MTG2: variants seen among roughly 807,000 people sequenced by gnomAD.
MTG2 encodes the protein mitochondrial ribosome-associated GTPase 2.
Under a neutral mutation model 28.6 loss-of-function variants are expected in MTG2, and 23 were observed. That is an observed-to-expected ratio of 0.80 (90% CI 0.58 to 1.14). MTG2 has a LOEUF of 1.14. Among genes scored for constraint, MTG2 ranks in the 50% most tolerant of loss-of-function variants. The probability of loss-of-function intolerance (pLI) is 0.00; values close to 1 mark genes in which losing one functional copy is unlikely to be tolerated. For missense variants in MTG2, 539 were observed against 552.0 expected (o/e 0.98, Z 0.24); for synonymous variants, 260 against 251.8 (o/e 1.03, Z -0.31).
chr20:62,199,007 C>A, intron 5 of MTG2, 112 bp from the exon 6 acceptor site: 1 of 1,562,812 alleles, frequency 6.4e-7, no homozygotes. Flanking sequence ...AGCATGAGCC[C>A]TTGTGACTCC....
In MTG2 at chr20:62,193,569, A is replaced by G. The variant is rs372648406; in HGVS notation, c.149A>G (p.Asp50Gly). 1 of 1,613,326 alleles carries G rather than the reference A, an allele frequency of 6.2e-7. No homozygotes were observed. Among genetic ancestry groups the G allele is most frequent in the South Asian group, 1.1e-5 (1 of 91,002 alleles). Residue 50 changes from aspartate (D) to glycine (G), a missense_variant, in exon 2 of 7, where the codon GAC becomes GGC. Coordinates refer to ENST00000370823, the MANE Select transcript of MTG2 (RefSeq NM_015666.4). ...SPRLLSVGRA[D>G]LAKHQELPGK... ...AGGCTGCTCTCGGTCGGCCGTGCGG[A>G]CCTCGCCAAGCATCAGGAACTCCCG...
chr20:62,198,672 T>C lies in MTG2; in HGVS notation c.507T>C (p.Val169=), dbSNP rs1184565072. Residue 169 remains valine (V), a synonymous_variant, in exon 5 of 7, where the codon GTT becomes GTC. Coordinates refer to ENST00000370823, the MANE Select transcript of MTG2 (RefSeq NM_015666.4). ...VGTLVKEGGR[V]VADLSCVGDE... ...CGCTGGTGAAGGAGGGAGGCAGAGT[T>C]GTGGCCGACCTGTCTTGCGTGGGAG... The C allele has an allele frequency of 1.9e-6, 3 of 1,614,100 alleles. No homozygotes were observed. Among genetic ancestry groups the C allele is most frequent in the East Asian group, 2.2e-5 (1 of 44,880 alleles).
At chr20:62,199,956 T>G (rs1432643745) in intron 6 of MTG2, 1 of 152,092 alleles carries the variant, frequency 6.6e-6, no homozygotes, top group Non-Finnish European at 1.5e-5. Flanking sequence ...CGCCCCACCT[T>G]GGTCTCCCAA....
chr20:62,184,242 C>T (rs1568779164), intron 1 of MTG2, among the ~76,000 whole-genome samples: 1 of 152,126 alleles, frequency 6.6e-6, no homozygotes, highest in Non-Finnish European at 1.5e-5. Context: ...CCTGTAATCC[C>T]AGCTACTGGG....
chr20:62,188,359 C>A lies in MTG2; in HGVS notation c.-5-5057C>A, dbSNP rs144899400. ...TTCATATACTTCCCCCCAGCCCCACCACAGAAGCTCTGTCACACAGGCTGG... is the reference window on the plus strand; with the variant it reads ...TTCATATACTTCCCCCCAGCCCCACAACAGAAGCTCTGTCACACAGGCTGG... On this transcript the variant is annotated intron_variant, in intron 1 of 6. Coordinates refer to ENST00000370823, the MANE Select transcript of MTG2 (RefSeq NM_015666.4). Among the ~76,000 whole-genome samples, 632 of 152,082 alleles carry A rather than the reference C, an allele frequency of 4.2e-3. 4 individuals carry two copies. Among genetic ancestry groups the A allele is most frequent in the Admixed American group, 7.7e-3 (117 of 15,254 alleles).
rs1428180945 is a variant in MTG2, at chr20:62,199,111, T to C, written c.688-8T>C. ...GGGCCGTGCCACCGTCTTCCCTCTT[T>C]CCCCCAGGTGGGATTCCCCAACGCC... is the stretch of plus-strand genomic sequence containing the variant. On this transcript the variant is annotated splice_region_variant and splice_polypyrimidine_tract_variant and intron_variant, in intron 5 of 6. Coordinates refer to ENST00000370823, the MANE Select transcript of MTG2 (RefSeq NM_015666.4). 1 of 1,613,464 alleles carries C rather than the reference T, an allele frequency of 6.2e-7. No homozygotes were observed. Among genetic ancestry groups the C allele is most frequent in the African/African-American group, 1.3e-5 (1 of 74,880 alleles).
At position 62,198,743 on chromosome 20, in the gene MTG2, G is replaced by A. The variant is rs781127049; in HGVS notation, c.578G>A (p.Arg193His). The A allele has an allele frequency of 3.2e-5, 51 of 1,614,130 alleles. No homozygotes were observed. The highest frequency in any genetic ancestry group is 2.4e-4 in the South Asian group (22 of 91,090). Residue 193 changes from arginine (R) to histidine (H), a missense_variant, in exon 5 of 7, where the codon CGC (arginine) becomes CAC (histidine). Arg to His is a conservative substitution (Grantham distance 29). Transcript: ENST00000370823. ...ALGGAGGKGNRFFLANNNRAP... is the reference protein window; with the variant it reads ...ALGGAGGKGNHFFLANNNRAP... ...GGCGGGGCAGGAGGGAAAGGCAACCGCTTCTTCCTGGCCAACAACAACCGT... is the reference window on the plus strand; with the variant it reads ...GGCGGGGCAGGAGGGAAAGGCAACCACTTCTTCCTGGCCAACAACAACCGT...
chr20:62,189,602 G>A (rs1369479144), intron 1 of MTG2, among the ~76,000 whole-genome samples: 2 of 151,726 alleles, frequency 1.3e-5, no homozygotes, highest in Non-Finnish European at 2.9e-5. Context: ...GCTGTGCCCA[G>A]CTAGCTCTTT....
At chr20:62,199,645 CA>C (rs201555286) in intron 6 of MTG2, among the ~76,000 whole-genome samples, 6,183 of 70,786 alleles carry the variant, frequency 0.087, 209 homozygotes, top group African/African-American at 0.18. Context: ...AACTCCATCT[CA>C]AAAAAAAAAA....
intron 1 of MTG2, among the ~76,000 whole-genome samples, chr20:62,192,304 G>A (rs1332980940): frequency 6.6e-6 from 1 of 152,196 alleles, no homozygotes; most frequent in Non-Finnish European, 1.5e-5. Flanking sequence ...CACTTGGTTT[G>A]CATTGCCAGT....
intron 1 of MTG2, among the ~76,000 whole-genome samples, chr20:62,189,747 C>T (rs1279364578): frequency 6.8e-6 from 1 of 146,538 alleles, no homozygotes; most frequent in Non-Finnish European, 1.5e-5. Flanking sequence ...CTCACTGCAA[C>T]CTCCGCCTCC....
At position 62,188,024 on chromosome 20, in the gene MTG2, G is replaced by A. The variant is rs191646749; in HGVS notation, c.-6+4967G>A. Among the ~76,000 whole-genome samples the A allele has an allele frequency of 3.9e-3, 596 of 151,676 alleles. 4 individuals carry two copies. The highest frequency in any genetic ancestry group is 0.014 in the African/African-American group (569 of 41,326). On this transcript the variant is annotated intron_variant, in intron 1 of 6. Coordinates refer to ENST00000370823, the MANE Select transcript of MTG2 (RefSeq NM_015666.4). ...CGGGCGCCTGTAGTCCCAGCTACTC[G>A]GGAGGCTGAGGCAGGAGAATGGCGT...
chr20:62,192,235 T>C (rs1384601575), intron 1 of MTG2, among the ~76,000 whole-genome samples: 3 of 152,060 alleles, frequency 2.0e-5, no homozygotes, highest in African/African-American at 4.8e-5. Flanking sequence ...ACATTGGGAG[T>C]TCCTACGACC....
Position 62,195,927 on chromosome 20 carries a change from C to T in MTG2, c.330C>T (p.Asn110=), listed in dbSNP as rs763015110. Residue 110 remains asparagine (N), a synonymous_variant, in exon 3 of 7, where the codon AAC becomes AAT. Coordinates refer to ENST00000370823, the MANE Select transcript of MTG2 (RefSeq NM_015666.4). The part of the protein sequence containing the change: ...FGGPDGGDGG[N]GGHVILRVDQ... ...GCCCTGATGGAGGGGACGGAGGCAA[C>T]GGTGGACACGTCATTCTGAGAGGCA... The T allele has an allele frequency of 4.6e-5, 75 of 1,613,958 alleles. No homozygotes were observed. The highest frequency in any genetic ancestry group is 6.7e-5 in the African/African-American group (5 of 74,918).
chr20:62,198,688 T>C lies in MTG2; in HGVS notation c.523T>C (p.Cys175Arg), dbSNP rs535011738. ...EGGRVVADLSCVGDEYIAALG... is the reference protein window; with the variant it reads ...EGGRVVADLSRVGDEYIAALG... ...AGGCAGAGTTGTGGCCGACCTGTCT[T>C]GCGTGGGAGATGAGTACATTGCCGC... is the stretch of plus-strand genomic sequence containing the variant. The change falls in exon 5 of 7, where the codon TGC becomes CGC. Residue 175 changes from cysteine to arginine, a missense_variant. Transcript: ENST00000370823. 1.9e-4 allele frequency: 309 copies of C among 1,614,094 alleles called. 4 individuals carry two copies. The South Asian group carries it at 2.5e-3, about 13-fold the overall frequency.
intron 1 of MTG2, among the ~76,000 whole-genome samples, chr20:62,185,675 C>T (rs1053259287): frequency 6.6e-6 from 1 of 152,080 alleles, no homozygotes; most frequent in African/African-American, 2.4e-5. Context: ...GGGCAGTGTT[C>T]TAATATGTGC....
intron 3 of MTG2, among the ~76,000 whole-genome samples, chr20:62,196,231 A>G (rs1601097255): frequency 6.6e-6 from 1 of 151,156 alleles, no homozygotes; most frequent in Non-Finnish European, 1.5e-5. Context: ...TTAGCCAGAC[A>G]TGGTAGCGTG....
At position 62,197,967 on chromosome 20, in the gene MTG2, G is replaced by T; in HGVS notation, c.468G>T (p.Arg156=). Reference sequence around the variant, plus strand: ...GCAGTGGCGCCGTCCTCTACATCCGGGTGAGCCGAGACTGCCGGACCTGGC... The same window carrying T: ...GCAGTGGCGCCGTCCTCTACATCCGTGTGAGCCGAGACTGCCGGACCTGGC... ...FGRSGAVLYI[R]VPVGTLVKEG... is the part of the protein sequence containing the mutation. The change falls in exon 4 of 7, where the codon CGG becomes CGT. Residue 156 remains arginine (R), a splice_region_variant and synonymous_variant. Coordinates refer to ENST00000370823, the MANE Select transcript of MTG2 (RefSeq NM_015666.4). The T allele has an allele frequency of 6.2e-7, 1 of 1,613,170 alleles. No homozygotes were observed.
chr20:62,196,672 A>G (rs1001293563), intron 3 of MTG2, among the ~76,000 whole-genome samples: 4 of 148,578 alleles, frequency 2.7e-5, no homozygotes, highest in African/African-American at 9.8e-5. Flanking sequence ...CCTATCTCAA[A>G]AAAACAAAAC....
Sources: allele counts gnomAD v4.1 joint callset (sites outside exome capture counted in the v4.1 genomes callset), GRCh38; gene constraint gnomAD v4.1.1; transcripts MANE v1.5; gene names NCBI Gene and HGNC (gene_info 2026-07-23, HGNC 2026-07-21).